Variants in SOX6 observed in about 807,000 individuals in gnomAD.
SOX6 encodes the protein transcription factor SOX-6.
A neutral mutation model predicts 97.8 loss-of-function variants in SOX6; 11 were observed. The observed-to-expected ratio is 0.11, with a 90% confidence interval of 0.07 to 0.19. The LOEUF is 0.19. SOX6 is among the 10% of genes least tolerant of loss of function. The pLI, the probability that SOX6 is intolerant of heterozygous loss-of-function variation, is 1.00. For missense variants in SOX6, 810 were observed against 1,039.5 expected (o/e 0.78, Z 3.04); for synonymous variants, 360 against 371.4 (o/e 0.97, Z 0.35).
chr11:16,172,977 T>C (rs369655889), intron 6 of SOX6, among the ~76,000 whole-genome samples: 2 of 151,930 alleles, frequency 1.3e-5, no homozygotes, highest in South Asian at 2.1e-4. Flanking sequence ...AGATCAGTTA[T>C]CATCTCCATG....
Position 16,191,842 on chromosome 11 carries a change from G to GT in SOX6, c.536-4888dup, listed in dbSNP as rs780977559. On this transcript the variant is annotated intron_variant, in intron 4 of 15. Coordinates refer to ENST00000683767, the MANE Select transcript of SOX6 (RefSeq NM_001367873.1). ...CCAACTCCAAAGACAGTGCAGCAGG[G>GT]TTTTTTTTTTCTTTTTTTTCTTTTT... Among the ~76,000 whole-genome samples, 277 of 137,752 alleles carry GT rather than the reference G, an allele frequency of 2.0e-3. 1 individual carries two copies. The highest frequency in any genetic ancestry group is 5.9e-3 in the African/African-American group (223 of 37,728). 90.4% of individuals were successfully genotyped at this position (137,752 alleles called of 152,430 possible).
chr11:16,591,083 A>T (rs1231744333), intron 4 of SOX6, among the ~76,000 whole-genome samples: 1 of 152,134 alleles, frequency 6.6e-6, no homozygotes, highest in African/African-American at 2.4e-5. Flanking sequence ...TGTAACCACA[A>T]AAATTAATTT....
chr11:16,564,257 T>A (rs1847844192), intron 4 of SOX6, among the ~76,000 whole-genome samples: 1 of 152,200 alleles, frequency 6.6e-6, no homozygotes, highest in Admixed American at 6.5e-5. Context: ...GTTTGATGGT[T>A]AATGCACATT....
chr11:16,514,215 C>CAAAA lies in SOX6; in HGVS notation n.610-37831_610-37828dup, dbSNP rs35019872. Among the ~76,000 whole-genome samples the CAAAA allele has an allele frequency of 9.7e-5, 10 of 102,668 alleles. No individual in the cohort carries two copies. The South Asian group carries it at 1.4e-3, about 14-fold the overall frequency. 67.4% of individuals were successfully genotyped at this position (102,668 alleles called of 152,430 possible). ...TGGGCAACAGCGCAAGTCCCTGGCT[C>CAAAA]AAAAAAAAAAAAAAAAAGGTGTTTA... On this transcript the variant is annotated intron_variant and non_coding_transcript_variant, in intron 4 of 5. Transcript: ENST00000524520.
chr11:16,018,612 CTA>C (rs58852608), intron 12 of SOX6, among the ~76,000 whole-genome samples: 2,304 of 152,060 alleles, frequency 0.015, 58 homozygotes, highest in African/African-American at 0.053. Context: ...ATTTTATATA[CTA>C]TGTTTTATAC....
chr11:16,583,167 A>G (rs1053620242), intron 4 of SOX6, among the ~76,000 whole-genome samples: 2 of 152,042 alleles, frequency 1.3e-5, no homozygotes, highest in Non-Finnish European at 2.9e-5. Flanking sequence ...TTTTCAACTG[A>G]CACATAATAA....
chr11:16,123,672 T>C (rs1429224377), intron 6 of SOX6, among the ~76,000 whole-genome samples: 1 of 151,988 alleles, frequency 6.6e-6, no homozygotes, highest in African/African-American at 2.4e-5. Context: ...TCCCAGCATG[T>C]GCATTACACA....
At chr11:16,463,409 A>G (rs1859969112) in intron 1 of SOX6, among the ~76,000 whole-genome samples, 1 of 152,238 alleles carries the variant, frequency 6.6e-6, no homozygotes, top group South Asian at 2.1e-4. Context: ...CATTAAATAA[A>G]TATACAAATA....
chr11:16,550,946 A>G (rs1341557732), intron 4 of SOX6, among the ~76,000 whole-genome samples: 1 of 152,152 alleles, frequency 6.6e-6, no homozygotes, highest in African/African-American at 2.4e-5. Flanking sequence ...GGCCAGGCGC[A>G]GTGGCTCACA....
At chr11:16,706,470 AAATATATATATATATATATAT>A (rs1302960585) in intron 3 of SOX6, among the ~76,000 whole-genome samples, 1 of 30,678 alleles carries the variant, frequency 3.3e-5, no homozygotes, top group African/African-American at 1.7e-4. Context: ...AAAAAAAAAA[AAATATATATATATATATATAT>A]ATATATATAT....
intron 3 of SOX6, among the ~76,000 whole-genome samples, chr11:16,280,975 G>C (rs1854543068): frequency 2.0e-5 from 3 of 152,018 alleles, no homozygotes; most frequent in Admixed American, 2.0e-4. Flanking sequence ...TGGAGTTATA[G>C]CAGATCAGTA....
chr11:16,392,175 T>C (rs1446459133), intron 1 of SOX6, among the ~76,000 whole-genome samples: 1 of 152,130 alleles, frequency 6.6e-6, no homozygotes, highest in Non-Finnish European at 1.5e-5. Flanking sequence ...TGGTATATAT[T>C]TGTATGTGAT....
chr11:16,250,032 G>T (rs1241926595), intron 3 of SOX6, among the ~76,000 whole-genome samples: 1 of 152,156 alleles, frequency 6.6e-6, no homozygotes, highest in Non-Finnish European at 1.5e-5. Context: ...TTCATTTAGA[G>T]GCAGAGGGGA....
Position 16,318,504 on chromosome 11 carries a change from A to T in SOX6, c.387T>A (p.Asp129Glu), listed in dbSNP as rs750282958. ...TPERRKGSLA[D>E]VVDTLKQKKL... is the part of the protein sequence containing the mutation. ...TCTTCTGTTTCAGTGTGTCCACCAC[A>T]TCGGCAAGACTCCCTTTGCGGCGCT... The change falls in exon 3 of 16, where the codon GAT becomes GAA. Residue 129 changes from aspartate (D) to glutamate (E), a missense_variant. Asp to Glu is a conservative substitution (Grantham distance 45, BLOSUM62 2). Coordinates refer to ENST00000683767, the MANE Select transcript of SOX6 (RefSeq NM_001367873.1). 3.1e-6 allele frequency: 5 copies of T among 1,613,560 alleles called. No individual in the cohort carries two copies. The highest frequency in any genetic ancestry group is 1.3e-5 in the African/African-American group (1 of 74,818).
upstream of SOX6, among the ~76,000 whole-genome samples, chr11:16,357,641 A>T (rs1857107909): frequency 6.6e-6 from 1 of 152,166 alleles, no homozygotes; most frequent in African/African-American, 2.4e-5. Context: ...GTATAAAACT[A>T]CTTGGTTTTT....
intron 3 of SOX6, among the ~76,000 whole-genome samples, chr11:16,696,704 A>C (rs1848056378): frequency 1.3e-5 from 2 of 152,184 alleles, no homozygotes; most frequent in African/African-American, 4.8e-5. Context: ...AGTGAGACAT[A>C]ATCTTTTTGC....
Position 15,989,209 on chromosome 11 carries a change from G to A in SOX6, c.1754C>T (p.Ser585Phe), listed in dbSNP as rs377029967. 7.5e-5 allele frequency: 121 copies of A among 1,608,870 alleles called. No individual in the cohort carries two copies. Among genetic ancestry groups the A allele is most frequent in the Non-Finnish European group, 9.9e-5 (117 of 1,175,952 alleles). The change falls in exon 14 of 16, where the codon TCT (serine) becomes TTT (phenylalanine). Residue 585 changes from serine to phenylalanine, a missense_variant. Coordinates refer to ENST00000683767, the MANE Select transcript of SOX6 (RefSeq NM_001367873.1). Reference protein sequence around the residue: ...DAEGSKAMNGSAAKLQQYYCW... With the variant: ...DAEGSKAMNGFAAKLQQYYCW... ...ATAATACTGCTGTAGTTTAGCTGCA[G>A]AGCCATTCATTGCTTTACTTCCTGT...
intron 1 of SOX6, among the ~76,000 whole-genome samples, chr11:16,380,706 A>G (rs1177731200): frequency 5.9e-5 from 9 of 152,144 alleles, no homozygotes; most frequent in Non-Finnish European, 8.8e-5. Flanking sequence ...TTACATGTCA[A>G]CTATATCAAG....
At chr11:16,085,553 G>A (rs904633512) in intron 9 of SOX6, among the ~76,000 whole-genome samples, 1 of 152,154 alleles carries the variant, frequency 6.6e-6, no homozygotes, top group African/African-American at 2.4e-5. Flanking sequence ...TCTCCCAGCT[G>A]ACTAGAGCAG....
Sources: allele counts gnomAD v4.1 joint callset (sites outside exome capture counted in the v4.1 genomes callset), GRCh38; gene constraint gnomAD v4.1.1; transcripts MANE v1.5; gene names NCBI Gene and HGNC (gene_info 2026-07-23, HGNC 2026-07-21).